NPAS2: variants seen among roughly 807,000 people sequenced by gnomAD.
NPAS2 encodes neuronal PAS domain protein 2.
NPAS2 carries 23 observed loss-of-function variants against 107.5 expected under a neutral mutation model. That is an observed-to-expected ratio of 0.21 (90% confidence interval 0.15 to 0.30). The LOEUF is 0.30. Among genes scored for constraint, NPAS2 ranks in the 10% least tolerant of loss-of-function variants. NPAS2 has a pLI of 1.00. For missense variants in NPAS2, 756 were observed against 1,043.3 expected (o/e 0.72, Z 3.79); for synonymous variants, 403 against 417.5 (o/e 0.97, Z 0.42).
rs554661016 is a variant in NPAS2, at chr2:100,964,422, G to A, written c.717+246G>A. Among the ~76,000 whole-genome samples the A allele has an allele frequency of 1.3e-4, 20 of 152,302 alleles. 2 individuals are homozygous for A. The South Asian group carries it at 3.9e-3, about 30-fold the overall frequency. On this transcript the variant is annotated intron_variant, in intron 8 of 20. Coordinates refer to ENST00000335681, the MANE Select transcript of NPAS2 (RefSeq NM_002518.4). ...CCCGCAGAAGTGCTGTCTGATAACT[G>A]TAAATCTTCCCACCTTTCACACCGG...
intron 1 of NPAS2, among the ~76,000 whole-genome samples, chr2:100,836,683 C>T (rs898052107): frequency 2.6e-5 from 4 of 152,170 alleles, no homozygotes; most frequent in African/African-American, 7.2e-5. Context: ...TCCGTACGCA[C>T]GGAACTGTTT....
At chr2:100,876,688 T>C (rs989747999) in intron 1 of NPAS2, among the ~76,000 whole-genome samples, 26 of 152,102 alleles carry the variant, frequency 1.7e-4, no homozygotes, top group African/African-American at 6.0e-4. Flanking sequence ...TTGTTGCTGT[T>C]GGTGGCAGGA....
In NPAS2 at chr2:100,957,852, C is replaced by A. The variant is rs541572274; in HGVS notation, c.599-6206C>A. ...CTGAGGCAGGAGAATGGCGTGAACC[C>A]GGGAGGCGGAGCTTGCCGTGAGCTG... On this transcript the variant is annotated intron_variant, in intron 7 of 20. Transcript: ENST00000335681. Among the ~76,000 whole-genome samples, 9 of 152,246 alleles carry A rather than the reference C, an allele frequency of 5.9e-5. No individual in the cohort carries two copies. The East Asian group carries it at 1.7e-3, about 29-fold the overall frequency.
At chr2:100,981,092 T>A (rs922570170) in intron 15 of NPAS2, among the ~76,000 whole-genome samples, 2 of 152,146 alleles carry the variant, frequency 1.3e-5, no homozygotes, top group African/African-American at 4.8e-5. Context: ...CTGGTTCTTT[T>A]TATTATTATT....
chr2:100,857,681 C>T (rs1678668414), intron 1 of NPAS2, among the ~76,000 whole-genome samples: 1 of 152,348 alleles, frequency 6.6e-6, no homozygotes, highest in African/African-American at 2.4e-5. Flanking sequence ...CGTGAAAACA[C>T]GCTCCTGTTA....
intron 1 of NPAS2, among the ~76,000 whole-genome samples, chr2:100,850,206 A>G (rs1678077876): frequency 4.6e-5 from 7 of 152,192 alleles, no homozygotes; most frequent in Admixed American, 2.6e-4. Context: ...TGCAGAAAAG[A>G]ATTAACATCT....
intron 16 of NPAS2, chr2:100,986,840 T>G (rs1193888992): frequency 6.6e-6 from 1 of 152,252 alleles, no homozygotes. Context: ...TTTACACATT[T>G]AATTTATCTG....
intron 3 of NPAS2, among the ~76,000 whole-genome samples, chr2:100,926,266 T>C (rs1327731010): frequency 1.3e-5 from 2 of 152,188 alleles, no homozygotes; most frequent in East Asian, 3.8e-4. Flanking sequence ...TGAGTTGATA[T>C]ATGTTTTCAC....
chr2:100,879,623 A>G (rs1181547698), intron 1 of NPAS2, among the ~76,000 whole-genome samples: 2 of 152,066 alleles, frequency 1.3e-5, no homozygotes, highest in African/African-American at 2.4e-5. Context: ...TACTTTGCTT[A>G]GCATAATGTC....
intron 15 of NPAS2, among the ~76,000 whole-genome samples, chr2:100,978,816 G>C: frequency 6.6e-6 from 1 of 152,220 alleles, no homozygotes; most frequent in Non-Finnish European, 1.5e-5. Context: ...GGTGACGCTT[G>C]AGTTGGCCCC....
chr2:100,860,782 G>A (rs552949440), intron 1 of NPAS2, among the ~76,000 whole-genome samples: 8 of 152,242 alleles, frequency 5.3e-5, no homozygotes, highest in African/African-American at 1.7e-4. Flanking sequence ...TGACGTGTCC[G>A]CATCATTCTT....
At chr2:100,863,127 C>T (rs560297618) in intron 1 of NPAS2, among the ~76,000 whole-genome samples, 5 of 152,260 alleles carry the variant, frequency 3.3e-5, no homozygotes, top group South Asian at 2.1e-4. Context: ...AACAACAGCC[C>T]GACCTTCTCA....
chr2:100,988,623 A>G (rs1032582098), intron 17 of NPAS2: 1 of 345,808 alleles, frequency 2.9e-6, no homozygotes, highest in Non-Finnish European at 5.5e-6. Flanking sequence ...TGAATGTCCC[A>G]ACACTCAACG....
rs147066590 is a variant in NPAS2 at position 100,990,336 on chromosome 2, C to T, written c.1908C>T (p.Ser636=). 268 of 1,614,170 alleles carry T rather than the reference C, an allele frequency of 1.7e-4. No individual in the cohort carries two copies. The highest frequency in any genetic ancestry group is 3.1e-4 in the South Asian group (28 of 91,076). Residue 636 remains serine (S), a synonymous_variant, in exon 18 of 21, where the codon AGC becomes AGT. Coordinates refer to ENST00000335681, the MANE Select transcript of NPAS2 (RefSeq NM_002518.4). ...GCAGCCTAGTGTCCCCGTTCAGCAG[C>T]GCCACAGCTGCGCTCCCGCCAAGTC... is the stretch of plus-strand genomic sequence containing the variant. ...SGSSLVSPFS[S]ATAALPPSLN... is the part of the protein sequence containing the mutation.
chr2:100,993,236 AG>A (rs1220488812), intron 19 of NPAS2, 110 bp from the exon 20 acceptor site: 1 of 1,135,438 alleles, frequency 8.8e-7, no homozygotes, highest in African/African-American at 1.6e-5. Flanking sequence ...CCTGGCCAAA[AG>A]TTTCTTATGA....
At chr2:100,877,650 A>G (rs1296676757) in intron 1 of NPAS2, among the ~76,000 whole-genome samples, 1 of 152,048 alleles carries the variant, frequency 6.6e-6, no homozygotes, top group African/African-American at 2.4e-5. Context: ...TGAGTGTCAT[A>G]GCACCCATTT....
intron 3 of NPAS2, among the ~76,000 whole-genome samples, chr2:100,927,172 G>C (rs891561515): frequency 2.0e-5 from 3 of 151,930 alleles, no homozygotes; most frequent in Admixed American, 2.0e-4. Flanking sequence ...CTGACCTCGT[G>C]ATTCACCCGC....
intron 7 of NPAS2, among the ~76,000 whole-genome samples, chr2:100,961,011 A>C (rs1453549763): frequency 6.6e-6 from 1 of 152,228 alleles, no homozygotes; most frequent in East Asian, 1.9e-4. Context: ...AAATGTAGCA[A>C]GAATGAGTTG....
chr2:100,964,804 C>G, intron 8 of NPAS2, 57 bp from the exon 9 acceptor site: 1 of 1,074,306 alleles, frequency 9.3e-7, no homozygotes, highest in Non-Finnish European at 1.4e-6. Context: ...TTGAACAAAC[C>G]TAGGGTGAGC....
Sources: allele counts gnomAD v4.1 joint callset (sites outside exome capture counted in the v4.1 genomes callset), GRCh38; gene constraint gnomAD v4.1.1; transcripts MANE v1.5; gene names NCBI Gene and HGNC (gene_info 2026-07-23, HGNC 2026-07-21).